Variants in YEATS2 observed in about 807,000 individuals in gnomAD.
The protein encoded by YEATS2 is YEATS domain containing 2.
YEATS2 carries 77 observed loss-of-function variants against 163.2 expected under a neutral mutation model. The observed-to-expected ratio is 0.47, with a 90% CI of 0.39 to 0.57. The LOEUF is 0.57. YEATS2 is among the 20% of genes least tolerant of loss of function. The pLI is 0.00. For missense variants in YEATS2, 1,549 were observed against 1,729.8 expected (o/e 0.90, Z 1.85); for synonymous variants, 631 against 645.1 (o/e 0.98, Z 0.33).
At chr3:183,778,958 A>G (rs1434357871) in intron 19 of YEATS2, among the ~76,000 whole-genome samples, 2 of 151,308 alleles carry the variant, frequency 1.3e-5, no homozygotes, top group African/African-American at 4.9e-5. Flanking sequence ...TTTTCTTTTT[A>G]TATATATTTT....
chr3:183,801,761 G>A (rs1428220371), intron 25 of YEATS2: 1 of 411,266 alleles, frequency 2.4e-6, no homozygotes. Context: ...TTTTTCATAT[G>A]TAAATCATAG....
intron 21 of YEATS2, among the ~76,000 whole-genome samples, chr3:183,792,686 T>C (rs557093098): frequency 6.6e-6 from 1 of 152,184 alleles, no homozygotes; most frequent in South Asian, 2.1e-4. Flanking sequence ...CCTGGCTAAT[T>C]TTTGTAGAGA....
Position 183,791,541 on chromosome 3 carries a change from C to T in YEATS2, c.3097+561C>T, listed in dbSNP as rs1453292294. Among the ~76,000 whole-genome samples the T allele has an allele frequency of 2.6e-5, 4 of 152,282 alleles. No individual in the cohort carries two copies. In the South Asian group the frequency reaches 8.3e-4, roughly 32 times the overall value. On this transcript the variant is annotated intron_variant, in intron 21 of 30. Coordinates refer to ENST00000305135, the MANE Select transcript of YEATS2 (RefSeq NM_018023.5). Reference sequence around the variant, plus strand: ...ATAATAAACCCTTAGCCACGCAGAACCCTACTGGGTATTTTAGCTTTTTTT... The same window carrying T: ...ATAATAAACCCTTAGCCACGCAGAATCCTACTGGGTATTTTAGCTTTTTTT...
chr3:183,749,081 C>T (rs529133863), intron 9 of YEATS2, among the ~76,000 whole-genome samples: 105 of 151,900 alleles, frequency 6.9e-4, no homozygotes, highest in Non-Finnish European at 1.3e-3. Context: ...TAGCTGGGAC[C>T]ACAGGCACCC....
intron 19 of YEATS2, among the ~76,000 whole-genome samples, chr3:183,785,704 C>T (rs1454790867): frequency 6.6e-6 from 1 of 152,008 alleles, no homozygotes; most frequent in Non-Finnish European, 1.5e-5. Context: ...AATGGTTCTC[C>T]AGTACTAAAA....
At chr3:183,767,037 T>C (rs1470285596) in intron 15 of YEATS2, among the ~76,000 whole-genome samples, 4 of 152,112 alleles carry the variant, frequency 2.6e-5, no homozygotes, top group African/African-American at 9.7e-5. Context: ...ATTTAAGAGG[T>C]CTTACACCTT....
At position 183,777,686 on chromosome 3, in the gene YEATS2, A is replaced by G; in HGVS notation, c.2722A>G (p.Thr908Ala). 1 of 1,614,186 alleles carries G rather than the reference A, an allele frequency of 6.2e-7. No individual in the cohort carries two copies. The highest frequency in any genetic ancestry group is 8.5e-7 in the Non-Finnish European group (1 of 1,180,028). ...TLKVISGQKTTLFTQAAHGGQ... is the reference protein window; with the variant it reads ...TLKVISGQKTALFTQAAHGGQ... ...AAAAGTCATCTCTGGACAGAAAACC[A>G]CATTGTTTACACAGGTAAATACGCC... The change falls in exon 19 of 31, where the codon ACA becomes GCA. Residue 908 changes from threonine (T) to alanine (A), a missense_variant. Transcript: ENST00000305135.
At chr3:183,722,653 T>G (rs1716646214) in intron 5 of YEATS2, among the ~76,000 whole-genome samples, 1 of 150,894 alleles carries the variant, frequency 6.6e-6, no homozygotes, top group Non-Finnish European at 1.5e-5. Flanking sequence ...TAAACCTAAG[T>G]GTTTCTTTTT....
At chr3:183,802,034 TC>T (rs1283351947) in intron 25 of YEATS2, 1 of 154,622 alleles carries the variant, frequency 6.5e-6, no homozygotes, top group African/African-American at 2.4e-5. Context: ...TCTGTTTGAC[TC>T]TAAGACCATT....
chr3:183,752,384 T>C, intron 10 of YEATS2, 131 bp downstream of exon 10: 2 of 1,168,596 alleles, frequency 1.7e-6, no homozygotes, highest in Non-Finnish European at 2.4e-6. Flanking sequence ...TACACAGTTC[T>C]GTTATGAAAG....
At chr3:183,698,473 C>G (rs1454632869) in intron 1 of YEATS2, among the ~76,000 whole-genome samples, 2 of 152,120 alleles carry the variant, frequency 1.3e-5, no homozygotes, top group Non-Finnish European at 2.9e-5. Context: ...GCCAACGCGC[C>G]GGAGCTGCGG....
chr3:183,710,868 G>A (rs1043242381), intron 1 of YEATS2, among the ~76,000 whole-genome samples: 1 of 152,094 alleles, frequency 6.6e-6, no homozygotes, highest in African/African-American at 2.4e-5. Context: ...TGCTGGAGGG[G>A]GACTCATCTT....
intron 14 of YEATS2, 45 bp downstream of exon 14, chr3:183,761,659 T>A: frequency 6.3e-7 from 1 of 1,577,168 alleles, no homozygotes; most frequent in Non-Finnish European, 8.7e-7. Flanking sequence ...TAATACTTTT[T>A]GTGGCATGTT....
chr3:183,698,893 G>C (rs908207010), intron 1 of YEATS2, among the ~76,000 whole-genome samples: 1 of 152,182 alleles, frequency 6.6e-6, no homozygotes, highest in African/African-American at 2.4e-5. Context: ...GCAGTTTTAC[G>C]ATCTAGAGAT....
At chr3:183,758,706 T>G (rs1721024057) in intron 12 of YEATS2, among the ~76,000 whole-genome samples, 156 bp from the exon 13 acceptor site, 1 of 147,934 alleles carries the variant, frequency 6.8e-6, no homozygotes, top group Non-Finnish European at 1.5e-5. Flanking sequence ...TCCTTAAGGG[T>G]TTTTTTCCAT....
chr3:183,800,958 A>G (rs1725615278), intron 24 of YEATS2: 1 of 181,102 alleles, frequency 5.5e-6, no homozygotes, highest in Non-Finnish European at 1.2e-5. Flanking sequence ...TTCATGGGCT[A>G]TATACACTCT....
At position 183,801,499 on chromosome 3, in the gene YEATS2, T is replaced by G; in HGVS notation, c.3473T>G (p.Val1158Gly). Residue 1158 changes from valine (V) to glycine (G), a missense_variant, in exon 25 of 31, where the codon GTA becomes GGA. Transcript: ENST00000305135. ...ATCCAGCAACTCCTAACTGCAGTAG[T>G]AAAGAAGATTCCATTAATCACTGCA... ...ETIQQLLTAV[V>G]KKIPLITAKS... 6.2e-7 allele frequency: 1 copy of G among 1,611,214 alleles called. No homozygotes were observed. The highest frequency in any genetic ancestry group is 8.5e-7 in the Non-Finnish European group (1 of 1,178,650).
At chr3:183,779,064 C>G (rs1723294334) in intron 19 of YEATS2, among the ~76,000 whole-genome samples, 1 of 152,094 alleles carries the variant, frequency 6.6e-6, no homozygotes, top group African/African-American at 2.4e-5. Context: ...GAGTCCACCA[C>G]CACGCCCAGC....
At chr3:183,704,635 C>CT (rs1242259842) in intron 1 of YEATS2, among the ~76,000 whole-genome samples, 1,842 of 146,088 alleles carry the variant, frequency 0.013, 32 homozygotes, top group African/African-American at 0.042. Context: ...ATTTTATGAA[C>CT]TTTTTTTTTT....
Sources: allele counts gnomAD v4.1 joint callset (sites outside exome capture counted in the v4.1 genomes callset), GRCh38; gene constraint gnomAD v4.1.1; transcripts MANE v1.5; gene names NCBI Gene and HGNC (gene_info 2026-07-23, HGNC 2026-07-21).